NSD1: variants seen among roughly 807,000 people sequenced by gnomAD.
The protein encoded by NSD1 is nuclear receptor binding SET domain protein 1.
Under a neutral mutation model 242.7 loss-of-function variants are expected in NSD1, and 26 were observed. The ratio of observed to expected loss-of-function variants is 0.11; its 90% CI spans 0.08 to 0.15. The LOEUF (loss-of-function observed/expected upper bound fraction) is 0.15. NSD1 is among the 10% of genes least tolerant of loss of function. The probability of loss-of-function intolerance (pLI) is 1.00; values close to 1 mark genes in which losing one functional copy is unlikely to be tolerated. For synonymous variants in NSD1, 1,106 were observed against 1,178.1 expected, an observed-to-expected ratio of 0.94 and a Z score of 1.25; for missense variants, 2,495 against 3,272.8, an observed-to-expected ratio of 0.76 and a Z score of 5.80.
At chr5:177,234,487 C>T (rs1187997871) in intron 5 of NSD1, among the ~76,000 whole-genome samples, 2 of 152,128 alleles carry the variant, frequency 1.3e-5, no homozygotes, top group Admixed American at 6.5e-5. Flanking sequence ...GAGGCCAAGG[C>T]GGGCAGATCA....
intron 2 of NSD1, 167 bp downstream of exon 2, chr5:177,136,197 A>C (rs968332258): frequency 4.8e-6 from 3 of 627,330 alleles, no homozygotes; most frequent in Non-Finnish European, 8.4e-6. Flanking sequence ...TTTTAAATTT[A>C]TCTCTGTTGT....
At chr5:177,205,223 G>A (rs1313563886) in intron 4 of NSD1, among the ~76,000 whole-genome samples, 1 of 152,052 alleles carries the variant, frequency 6.6e-6, no homozygotes, top group Non-Finnish European at 1.5e-5. Flanking sequence ...TTTTAGTAGA[G>A]ACAGGTTTTG....
intron 3 of NSD1, among the ~76,000 whole-genome samples, chr5:177,201,785 C>G (rs1762524603): frequency 6.6e-6 from 1 of 151,664 alleles, no homozygotes; most frequent in African/African-American, 2.4e-5. Flanking sequence ...TCTTGAACTC[C>G]TGACCTCAGG....
intron 4 of NSD1, among the ~76,000 whole-genome samples, chr5:177,207,313 C>T (rs528452057): frequency 7.9e-5 from 12 of 151,274 alleles, no homozygotes; most frequent in Non-Finnish European, 1.5e-4. Context: ...GACAGAGTCT[C>T]GCTCTGTTGT....
intron 14 of NSD1, 35 bp downstream of exon 14, chr5:177,260,203 A>C (rs771266567): frequency 6.3e-7 from 1 of 1,587,874 alleles, no homozygotes; most frequent in Non-Finnish European, 8.6e-7. Flanking sequence ...TTGTAGTCTA[A>C]AAAGGGATTA....
intron 12 of NSD1, among the ~76,000 whole-genome samples, chr5:177,252,311 T>C (rs927880146): frequency 3.9e-5 from 6 of 152,188 alleles, no homozygotes; most frequent in African/African-American, 1.2e-4. Flanking sequence ...TAATATTTTA[T>C]ATTTCTTAAT....
intron 11 of NSD1, among the ~76,000 whole-genome samples, chr5:177,250,922 T>A (rs1755894056): frequency 6.6e-6 from 1 of 152,214 alleles, no homozygotes; most frequent in African/African-American, 2.4e-5. Flanking sequence ...CTGGGTGCGG[T>A]GGCTCACACC....
intron 19 of NSD1, 76 bp from the exon 20 acceptor site, chr5:177,283,711 T>TA (rs1759076813): frequency 6.6e-7 from 1 of 1,508,476 alleles, no homozygotes; most frequent in African/African-American, 1.4e-5. Flanking sequence ...TCCAACTTAT[T>TA]AGAGAGAATA....
In NSD1 at chr5:177,238,089, T is replaced by A. The variant is rs567212206; in HGVS notation, c.3922-148T>A. ...TTTGTTCTTTGTGTCTTAAGTAATT[T>A]CCCTTAGCATACATAATGTCTTCAA... On this transcript the variant is annotated intron_variant, in intron 6 of 22. Coordinates refer to ENST00000439151, the MANE Select transcript of NSD1 (RefSeq NM_022455.5). The surrounding 1 kb of genome is among the most constrained non-coding windows in gnomAD (Gnocchi z 4.6). 28 of 821,498 alleles carry A rather than the reference T, an allele frequency of 3.4e-5. No individual in the cohort carries two copies. In the East Asian group the frequency reaches 6.6e-4, roughly 19 times the overall value. The allele number at this position is 821,498 out of a possible 1,614,324, so 50.9% of individuals were successfully genotyped here.
intron 5 of NSD1, among the ~76,000 whole-genome samples, chr5:177,217,570 C>G (rs1388931307): frequency 1.3e-5 from 2 of 151,882 alleles, no homozygotes; most frequent in African/African-American, 4.8e-5. Context: ...GTTTCACTGT[C>G]AAGCATATTA....
At chr5:177,192,642 T>C (rs181360996) in intron 3 of NSD1, among the ~76,000 whole-genome samples, 3 of 152,194 alleles carry the variant, frequency 2.0e-5, no homozygotes, top group Non-Finnish European at 4.4e-5. Flanking sequence ...GCGATCTGCC[T>C]GCCTTGGCCT....
At position 177,280,850 on chromosome 5, in the gene NSD1, A is replaced by T; in HGVS notation, c.5892+16A>T. The T allele has an allele frequency of 1.2e-6, 2 of 1,613,816 alleles. No homozygotes were observed. The highest frequency in any genetic ancestry group is 1.7e-6 in the Non-Finnish European group (2 of 1,179,790). ...TATTAAAAAGGTTAGAAAAAGCTAA[A>T]TTACCATATACTTTCTCCTCTTTGC... is the stretch of plus-strand genomic sequence containing the variant. On this transcript the variant is annotated intron_variant, in intron 18 of 22. Coordinates refer to ENST00000439151, the MANE Select transcript of NSD1 (RefSeq NM_022455.5).
Position 177,280,690 on chromosome 5 carries a change from G to A in NSD1, c.5748G>A (p.Leu1916=), listed in dbSNP as rs2127257205. ...GIDSECINRM[L]LYECHPTVCP... ...ACTCTGAATGCATCAACCGCATGCT[G>A]CTCTATGAGTGCCACCCCACAGTGT... The change falls in exon 18 of 23, where the codon CTG becomes CTA. Residue 1916 remains leucine, a synonymous_variant. Transcript: ENST00000439151. The A allele has an allele frequency of 6.2e-7, 1 of 1,614,220 alleles. No individual in the cohort carries two copies. The highest frequency in any genetic ancestry group is 1.1e-5 in the South Asian group (1 of 91,090).
At chr5:177,257,663 C>A (rs934730565) in intron 13 of NSD1, among the ~76,000 whole-genome samples, 16 of 152,120 alleles carry the variant, frequency 1.1e-4, no homozygotes, top group African/African-American at 3.6e-4. Context: ...AGCAGCCAGG[C>A]AATGCCAGGG....
intron 2 of NSD1, among the ~76,000 whole-genome samples, chr5:177,152,369 A>G (rs1757795435): frequency 6.7e-6 from 1 of 149,054 alleles, no homozygotes; most frequent in African/African-American, 2.5e-5. Flanking sequence ...ATGTTTGTAT[A>G]TATTTATATT....
intron 15 of NSD1, among the ~76,000 whole-genome samples, 194 bp downstream of exon 15, chr5:177,267,912 C>G (rs1757629957): frequency 6.8e-6 from 1 of 147,752 alleles, no homozygotes; most frequent in Non-Finnish European, 1.5e-5. Context: ...AATACATGTT[C>G]TCTGTCGAAA....
intron 2 of NSD1, among the ~76,000 whole-genome samples, chr5:177,170,876 C>T (rs1031489938): frequency 2.0e-5 from 3 of 151,872 alleles, no homozygotes; most frequent in Admixed American, 2.0e-4. Flanking sequence ...TTTGAATTTG[C>T]CTGTTTTATT....
chr5:177,144,382 GTTTT>G (rs10714468), intron 2 of NSD1, among the ~76,000 whole-genome samples: 1 of 149,008 alleles, frequency 6.7e-6, no homozygotes, highest in Non-Finnish European at 1.5e-5. Flanking sequence ...CTAAGTTTTT[GTTTT>G]TTTTTTTCTC....
intron 2 of NSD1, among the ~76,000 whole-genome samples, chr5:177,187,951 A>G (rs1173545086): frequency 6.6e-6 from 1 of 152,218 alleles, no homozygotes; most frequent in Non-Finnish European, 1.5e-5. Flanking sequence ...AAAAAGGCTT[A>G]GTACCAGTAT....
Sources: gnomAD v4.1 joint callset for allele counts (sites outside exome capture counted in the v4.1 genomes callset) on GRCh38, gnomAD v4.1.1 for gene constraint, Gnocchi (gnomAD v3.1) non-coding constraint, MANE v1.5 for transcripts, NCBI Gene and HGNC (gene_info 2026-07-23, HGNC 2026-07-21) for gene names.